Variants in NANOS3 observed in about 807,000 individuals in gnomAD.
The protein encoded by NANOS3 is nanos C2HC-type zinc finger 3, also known as nanos homolog 3.
In NANOS3, 11 loss-of-function variants were observed where a neutral mutation model predicts 13.8. The ratio of observed to expected loss-of-function variants is 0.80; its 90% CI spans 0.50 to 1.32. The LOEUF (loss-of-function observed/expected upper bound fraction) is 1.32. Among genes scored for constraint, NANOS3 ranks in the 40% most tolerant of loss-of-function variants. The pLI, the probability that NANOS3 is intolerant of heterozygous loss-of-function variation, is 0.00. For missense variants in NANOS3, 221 were observed against 263.8 expected (o/e 0.84, Z 1.12); for synonymous variants, 119 against 115.4 (o/e 1.03, Z -0.20).
At chr19:13,869,450 G>GTT (rs1407981983) in intron 1 of NANOS3, among the ~76,000 whole-genome samples, 2 of 152,076 alleles carry the variant, frequency 1.3e-5, no homozygotes, top group East Asian at 3.9e-4. Context: ...CCCACCCACC[G>GTT]CCCACGGGCT....
chr19:13,868,311 G>A (rs555184598), intron 1 of NANOS3, among the ~76,000 whole-genome samples: 1 of 151,814 alleles, frequency 6.6e-6, no homozygotes, highest in East Asian at 2.0e-4. Flanking sequence ...CACCCACCTC[G>A]GTCTCCCAAA....
At chr19:13,873,306 C>T (rs551554670), upstream of NANOS3, among the ~76,000 whole-genome samples, 1 of 128,844 alleles carries the variant, frequency 7.8e-6, no homozygotes, top group African/African-American at 3.2e-5. Context: ...GGCGCGTCCT[C>T]GGGGGCTCGG....
At chr19:13,866,520 C>CA (rs1461973876) in intron 1 of NANOS3, among the ~76,000 whole-genome samples, 1 of 151,310 alleles carries the variant, frequency 6.6e-6, no homozygotes, top group African/African-American at 2.4e-5. Context: ...CTGACACACA[C>CA]ATACAGTCCC....
upstream of NANOS3, chr19:13,874,970 T>G (rs750793602): frequency 3.8e-6 from 2 of 527,942 alleles, no homozygotes; most frequent in Non-Finnish European, 7.8e-6. Flanking sequence ...GGGATGAATG[T>G]CACTGTGGCT....
upstream of NANOS3, among the ~76,000 whole-genome samples, chr19:13,865,024 C>T (rs1976210667): frequency 6.6e-6 from 1 of 152,080 alleles, no homozygotes; most frequent in African/African-American, 2.4e-5. Context: ...TGTGCCCGCC[C>T]GCGCCCCCGT....
At chr19:13,877,958 G>C (rs1297373548) in intron 1 of NANOS3, among the ~76,000 whole-genome samples, 193 bp downstream of exon 1, 1 of 152,172 alleles carries the variant, frequency 6.6e-6, no homozygotes, top group Non-Finnish European at 1.5e-5. Context: ...GCTCAGGCTG[G>C]AGTGCAGTGG....
chr19:13,874,929 G>A, upstream of NANOS3: 1 of 530,702 alleles, frequency 1.9e-6, no homozygotes, highest in South Asian at 1.4e-5. Context: ...TGTTGTCGGT[G>A]GGTTGTGAGG....
chr19:13,878,466 C>A (rs1012735707), intron 1 of NANOS3, among the ~76,000 whole-genome samples: 1 of 151,776 alleles, frequency 6.6e-6, no homozygotes, highest in Non-Finnish European at 1.5e-5. Context: ...CTCGAACTCC[C>A]AACCTCGTGA....
chr19:13,880,689 A>G lies in NANOS3; in HGVS notation c.*186A>G, dbSNP rs1968621393. The stretch of plus-strand genomic sequence containing the variant: ...CCTTGGGGACCCCACCCTTTGTGCC[A>G]TCTGCCGTTTCCCTAGTGCTGGGCA... On this transcript the variant is annotated 3_prime_UTR_variant, in exon 2 of 2. Transcript: ENST00000339133. 2 of 594,138 alleles carry G rather than the reference A, an allele frequency of 3.4e-6. No homozygotes were observed. Among genetic ancestry groups the G allele is most frequent in the African/African-American group, 1.9e-5 (1 of 53,926 alleles). The allele number at this position is 594,138 out of a possible 1,614,324, so 36.8% of individuals were successfully genotyped here. A position where few individuals can be genotyped will look rare whatever the true frequency, so the allele number is the denominator to read the frequency against.
At chr19:13,868,595 C>T (rs1263565912) in intron 1 of NANOS3, among the ~76,000 whole-genome samples, 2 of 151,220 alleles carry the variant, frequency 1.3e-5, no homozygotes, top group African/African-American at 2.4e-5. Context: ...GCGGGAGGAT[C>T]GCTTTGAGCC....
Position 13,870,673 on chromosome 19 carries a change from T to C in NANOS3, n.21+5236T>C, listed in dbSNP as rs145411805. Among the ~76,000 whole-genome samples, 683 of 145,566 alleles carry C rather than the reference T, an allele frequency of 4.7e-3. 8 individuals are homozygous for C. Among genetic ancestry groups the C allele is most frequent in the African/African-American group, 0.016 (648 of 39,610 alleles). On this transcript the variant is annotated intron_variant and non_coding_transcript_variant, in intron 1 of 2. Transcript: ENST00000591161. Reference sequence around the variant, plus strand: ...ATCTCTGCCTCCCAGGTTCAAGCAATTCTCGTGCCTCAGCCTCCCAAGTAG... The same window carrying C: ...ATCTCTGCCTCCCAGGTTCAAGCAACTCTCGTGCCTCAGCCTCCCAAGTAG...
At chr19:13,872,219 C>T (rs1021924203), upstream of NANOS3, among the ~76,000 whole-genome samples, 1 of 151,710 alleles carries the variant, frequency 6.6e-6, no homozygotes, top group Non-Finnish European at 1.5e-5. Flanking sequence ...GTGGCAGGTG[C>T]CTGTAGTCCC....
At chr19:13,879,404 C>T (rs935342531) in intron 1 of NANOS3, among the ~76,000 whole-genome samples, 1 of 152,178 alleles carries the variant, frequency 6.6e-6, no homozygotes, top group African/African-American at 2.4e-5. Context: ...CGACCCCTCC[C>T]AACTACTCTC....
chr19:13,879,392 G>A (rs1374773661), intron 1 of NANOS3, among the ~76,000 whole-genome samples: 2 of 152,184 alleles, frequency 1.3e-5, no homozygotes, highest in Non-Finnish European at 2.9e-5. Context: ...ACTGGGAGAG[G>A]ACGACCCCTC....
chr19:13,874,646 C>T (rs1042190889), upstream of NANOS3: 2 of 508,866 alleles, frequency 3.9e-6, no homozygotes, highest in African/African-American at 3.9e-5. Flanking sequence ...CCTCCTCTCC[C>T]TCTTCATGCT....
chr19:13,873,363 T>A (rs1391401626), upstream of NANOS3, among the ~76,000 whole-genome samples: 2 of 150,602 alleles, frequency 1.3e-5, no homozygotes, highest in East Asian at 4.0e-4. Flanking sequence ...GGGGGGTGGT[T>A]CACGCAGCTC....
upstream of NANOS3, among the ~76,000 whole-genome samples, chr19:13,865,159 G>A (rs535590288): frequency 3.2e-3 from 491 of 151,454 alleles, 3 homozygotes; most frequent in African/African-American, 0.012. Context: ...TGGACCCACC[G>A]CCCGGCGCGG....
chr19:13,866,958 A>T (rs919014518), intron 1 of NANOS3, among the ~76,000 whole-genome samples: 1 of 151,962 alleles, frequency 6.6e-6, no homozygotes, highest in Non-Finnish European at 1.5e-5. Context: ...AATCTTTTTT[A>T]TTTTTATTTA....
At chr19:13,876,703 A>ACC (rs1273956525), upstream of NANOS3, among the ~76,000 whole-genome samples, 1 of 151,942 alleles carries the variant, frequency 6.6e-6, no homozygotes, top group African/African-American at 2.4e-5. Context: ...ACACACACAC[A>ACC]CACAAAGAAC....
Sources: allele counts gnomAD v4.1 joint callset (sites outside exome capture counted in the v4.1 genomes callset), GRCh38; gene constraint gnomAD v4.1.1; transcripts MANE v1.5; gene names NCBI Gene and HGNC (gene_info 2026-07-23, HGNC 2026-07-21).